The following ARAP2 variants were observed in gnomAD, a reference collection of about 807,000 sequenced individuals.
ARAP2 encodes ArfGAP with RhoGAP domain, ankyrin repeat and PH domain 2, also known as arf-GAP with Rho-GAP domain, ANK repeat and PH domain-containing protein 2.
ARAP2 carries 148 observed loss-of-function variants against 194.5 expected under a neutral mutation model. The ratio of observed to expected loss-of-function variants is 0.76; its 90% CI spans 0.67 to 0.87. ARAP2 has a LOEUF of 0.87. Ranked by LOEUF, ARAP2 falls within the 40% of genes least tolerant of loss-of-function variation. The pLI is 0.00. For synonymous variants in ARAP2, 695 were observed against 683.5 expected (o/e 1.02, Z -0.26); for missense variants, 2,128 against 1,989.7 (o/e 1.07, Z -1.32).
intron 15 of ARAP2, among the ~76,000 whole-genome samples, chr4:36,151,831 T>TAC (rs1366657319): frequency 6.6e-6 from 1 of 152,088 alleles, no homozygotes; most frequent in East Asian, 1.9e-4. Flanking sequence ...GGCATATATA[T>TAC]ACACATACTC....
chr4:36,145,834 AC>A (rs1729509319), intron 19 of ARAP2, among the ~76,000 whole-genome samples: 1 of 151,526 alleles, frequency 6.6e-6, no homozygotes, highest in Admixed American at 6.6e-5. Flanking sequence ...TTCTAGCTAT[AC>A]TCTCCATGAG....
intron 31 of ARAP2, among the ~76,000 whole-genome samples, chr4:36,077,509 G>A (rs1014887185): frequency 3.3e-5 from 5 of 151,944 alleles, no homozygotes; most frequent in Non-Finnish European, 5.9e-5. Context: ...AGGAACTCTA[G>A]GGTATATACC....
chr4:36,191,372 A>G (rs191056469), intron 7 of ARAP2, among the ~76,000 whole-genome samples: 3 of 152,234 alleles, frequency 2.0e-5, no homozygotes, highest in Non-Finnish European at 2.9e-5. Flanking sequence ...CTACACACCT[A>G]TAACAAGGAT....
intron 8 of ARAP2, among the ~76,000 whole-genome samples, chr4:36,185,363 TTC>T (rs1233485180): frequency 2.6e-5 from 4 of 152,212 alleles, no homozygotes; most frequent in South Asian, 2.1e-4. Context: ...ATTTATTATT[TTC>T]TGTTTGGGGT....
At chr4:36,124,363 C>T (rs781520944) in intron 22 of ARAP2, among the ~76,000 whole-genome samples, 4 of 151,718 alleles carry the variant, frequency 2.6e-5, no homozygotes, top group Non-Finnish European at 4.4e-5. Context: ...TGTCCTCATC[C>T]TTCAGACCTC....
rs945830506 is a variant in ARAP2, at chr4:36,028,175, C to T, written n.608-8889G>A. On this transcript the variant is annotated intron_variant and non_coding_transcript_variant, in intron 5 of 12. Coordinates refer to the ARAP2 transcript ENST00000503225. The stretch of plus-strand genomic sequence containing the variant: ...ATGTTCTTAGTGTTATTATTTTCAA[C>T]GTATATATTAAAATTATGTATGATT... 7.2e-5 allele frequency among the ~76,000 whole-genome samples: 11 copies of T among 151,876 alleles called. No homozygotes were observed. In the East Asian group the frequency reaches 7.7e-4, roughly 11 times the overall value.
chr4:36,024,895 T>C (rs994338201), intron 5 of ARAP2, among the ~76,000 whole-genome samples: 20 of 152,152 alleles, frequency 1.3e-4, no homozygotes, highest in Non-Finnish European at 2.6e-4. Context: ...AAAATTAACT[T>C]TCTGCTAGTC....
chr4:36,149,092 C>T (rs534456947), intron 16 of ARAP2, among the ~76,000 whole-genome samples: 22 of 152,276 alleles, frequency 1.4e-4, no homozygotes, highest in African/African-American at 5.1e-4. Flanking sequence ...TCATTCACAA[C>T]TCCATTTATT....
chr4:36,123,914 CT>C (rs1723272511), intron 22 of ARAP2, among the ~76,000 whole-genome samples: 1 of 151,764 alleles, frequency 6.6e-6, no homozygotes, highest in African/African-American at 2.4e-5. Flanking sequence ...GAAGCATCCC[CT>C]GGACCACAAC....
chr4:36,171,935 G>A (rs1353624813), intron 9 of ARAP2, among the ~76,000 whole-genome samples: 1 of 152,018 alleles, frequency 6.6e-6, no homozygotes, highest in Non-Finnish European at 1.5e-5. Flanking sequence ...CAATCTGATA[G>A]CAAGCTTTAT....
rs1438086580 is a variant in ARAP2, at chr4:36,014,289, GAAAGAA to G, written n.1056+1091_1056+1096del. On this transcript the variant is annotated intron_variant and non_coding_transcript_variant, in intron 8 of 12. Transcript: ENST00000503225. ...AGAAAGAAAGAAAGAAAGAAAGAAA[GAAAGAA>G]AGAAGAGAAGGAAGGAAAGAAAGAA... Among the ~76,000 whole-genome samples the G allele has an allele frequency of 2.3e-3, 304 of 132,934 alleles. 4 individuals carry two copies. Among genetic ancestry groups the G allele is most frequent in the African/African-American group, 7.9e-3 (286 of 36,274 alleles). 87.2% of individuals were successfully genotyped at this position (132,934 alleles called of 152,430 possible). A position where few individuals can be genotyped will look rare whatever the true frequency, so the allele number is the denominator to read the frequency against.
chr4:36,066,263 G>T lies in ARAP2; in HGVS notation c.*1644C>A, dbSNP rs1725431746. On this transcript the variant is annotated 3_prime_UTR_variant, in exon 33 of 33. Transcript: ENST00000303965. Reference sequence around the variant, plus strand: ...AAAATATAAATATTTATTAGAAATAGTATGTTTAAGATTAGTTTTTCTTTC... The same window carrying T: ...AAAATATAAATATTTATTAGAAATATTATGTTTAAGATTAGTTTTTCTTTC... 6.6e-6 allele frequency: 1 copy of T among 152,032 alleles called. No individual in the cohort carries two copies. The highest frequency in any genetic ancestry group is 2.4e-5 in the African/African-American group (1 of 41,394). The allele number at this position is 152,032 out of a possible 1,614,324, so 9.4% of individuals were successfully genotyped here.
At chr4:36,185,806 T>G (rs1740407125) in intron 8 of ARAP2, among the ~76,000 whole-genome samples, 1 of 150,928 alleles carries the variant, frequency 6.6e-6, no homozygotes, top group Non-Finnish European at 1.5e-5. Flanking sequence ...TGAAACCCCG[T>G]CTCTACTAGA....
At chr4:36,059,260 CTT>C (rs1367373916) in intron 1 of ARAP2, among the ~76,000 whole-genome samples, 2 of 152,096 alleles carry the variant, frequency 1.3e-5, no homozygotes. Context: ...GAGACATAAT[CTT>C]TTATTTTAGA....
Position 36,051,401 on chromosome 4 carries a change from C to T in ARAP2, n.369+605G>A, listed in dbSNP as rs147508972. On this transcript the variant is annotated intron_variant and non_coding_transcript_variant, in intron 3 of 12. Coordinates refer to the ARAP2 transcript ENST00000503225. ...CTGAGGCAGGAGAATCGCTTGAACC[C>T]GGGAGGCAGAGGTTACAATGAGTTG... Among the ~76,000 whole-genome samples, 399 of 152,120 alleles carry T rather than the reference C, an allele frequency of 2.6e-3. 3 individuals are homozygous for T. Among genetic ancestry groups the T allele is most frequent in the African/African-American group, 9.2e-3 (380 of 41,512 alleles).
rs557863628 is a variant in ARAP2 at position 36,009,572 on chromosome 4, A to G, written n.1326-2526T>C. Among the ~76,000 whole-genome samples, 18 of 152,240 alleles carry G rather than the reference A, an allele frequency of 1.2e-4. 1 individual carries two copies. In the South Asian group the frequency reaches 3.5e-3, roughly 30 times the overall value. On this transcript the variant is annotated intron_variant and non_coding_transcript_variant, in intron 9 of 12. Transcript: ENST00000503225. ...ATACTATGTTCACTACCTGGGTGAC[A>G]GATTCACTCCAAACCTCAACATCAC... is the stretch of plus-strand genomic sequence containing the variant.
chr4:36,037,396 G>C (rs923563038), intron 5 of ARAP2, among the ~76,000 whole-genome samples: 2 of 152,124 alleles, frequency 1.3e-5, no homozygotes, highest in Admixed American at 6.6e-5. Flanking sequence ...AACTAAGCCT[G>C]AAAGAGGAGA....
At chr4:36,101,043 C>T (rs1367474473) in intron 27 of ARAP2, among the ~76,000 whole-genome samples, 1 of 151,828 alleles carries the variant, frequency 6.6e-6, no homozygotes, top group Non-Finnish European at 1.5e-5. Context: ...CAGAAAAAAA[C>T]ATAGCATAGC....
chr4:36,043,442 C>T (rs559671428), intron 5 of ARAP2, among the ~76,000 whole-genome samples: 5 of 152,216 alleles, frequency 3.3e-5, no homozygotes, highest in East Asian at 1.9e-4. Context: ...GTCAAGATAT[C>T]GGGGCAACAT....
Sources: allele counts gnomAD v4.1 joint callset (sites outside exome capture counted in the v4.1 genomes callset), GRCh38; gene constraint gnomAD v4.1.1; transcripts MANE v1.5; gene names NCBI Gene and HGNC (gene_info 2026-07-23, HGNC 2026-07-21).